SPOCK1: variants seen among roughly 807,000 people sequenced by gnomAD.
The protein encoded by SPOCK1 is testican-1.
SPOCK1 carries 23 observed loss-of-function variants against 55.3 expected under a neutral mutation model. That is an observed-to-expected ratio of 0.42 (90% confidence interval 0.30 to 0.59). The LOEUF is 0.59. Among genes scored for constraint, SPOCK1 ranks in the 20% least tolerant of loss-of-function variants. The pLI, the probability that SPOCK1 is intolerant of heterozygous loss-of-function variation, is 0.22. For missense variants in SPOCK1, 499 were observed against 552.5 expected, an observed-to-expected ratio of 0.90 and a Z score of 0.97; for synonymous variants, 226 against 221.0, an observed-to-expected ratio of 1.02 and a Z score of -0.20.
At chr5:137,303,070 A>C (rs1580855924) in intron 2 of SPOCK1, among the ~76,000 whole-genome samples, 1 of 152,292 alleles carries the variant, frequency 6.6e-6, no homozygotes, top group Middle Eastern at 3.4e-3. Flanking sequence ...TGAGGAGTGC[A>C]AACTGAATTG....
chr5:136,980,988 T>G (rs974718365), intron 9 of SPOCK1, among the ~76,000 whole-genome samples: 2 of 152,166 alleles, frequency 1.3e-5, no homozygotes, highest in East Asian at 1.9e-4. Flanking sequence ...ATTTGGTAAC[T>G]GATAGTATCC....
chr5:137,061,613 G>A (rs556485517), intron 6 of SPOCK1, among the ~76,000 whole-genome samples: 1 of 152,158 alleles, frequency 6.6e-6, no homozygotes. Flanking sequence ...CAGGAAGTGG[G>A]TAACAGTTCC....
intron 4 of SPOCK1, among the ~76,000 whole-genome samples, chr5:137,131,828 C>T (rs1464464605): frequency 6.7e-6 from 1 of 149,006 alleles, no homozygotes; most frequent in Non-Finnish European, 1.5e-5. Context: ...AAAAATTAGC[C>T]GGGTGTAGGG....
intron 3 of SPOCK1, among the ~76,000 whole-genome samples, chr5:137,246,686 G>T (rs1756401462): frequency 6.6e-6 from 1 of 152,184 alleles, no homozygotes. Context: ...CTTGGAATCT[G>T]CCATGAATGA....
chr5:137,149,661 G>C (rs1754273937), intron 3 of SPOCK1, among the ~76,000 whole-genome samples: 1 of 152,194 alleles, frequency 6.6e-6, no homozygotes, highest in South Asian at 2.1e-4. Context: ...CCAGGCCAAA[G>C]ACATCCAGAG....
At chr5:137,244,578 G>T (rs1756358500) in intron 3 of SPOCK1, among the ~76,000 whole-genome samples, 1 of 152,194 alleles carries the variant, frequency 6.6e-6, no homozygotes, top group East Asian at 1.9e-4. Flanking sequence ...TGAATTTGAA[G>T]TCAGGAGAAT....
rs953517717 is a variant in SPOCK1, at chr5:136,975,629, CAAG to C, written c.*3022_*3024del. The C allele has an allele frequency of 6.6e-6, 1 of 152,012 alleles. No individual in the cohort carries two copies. Among genetic ancestry groups the C allele is most frequent in the Non-Finnish European group, 1.5e-5 (1 of 68,026 alleles). The allele number at this position is 152,012 out of a possible 1,614,324, so 9.4% of individuals were successfully genotyped here. A position where few individuals can be genotyped will look rare whatever the true frequency, so the allele number is the denominator to read the frequency against. On this transcript the variant is annotated 3_prime_UTR_variant, in exon 11 of 11. Transcript: ENST00000394945. ...TTACTGTACAGCGTGGTCAAGGTAACAAGAAGAAAAAAATGTGAGTGGCATCCT... is the reference window on the plus strand; with the variant it reads ...TTACTGTACAGCGTGGTCAAGGTAACAAGAAAAAAATGTGAGTGGCATCCT...
rs533579439 is a variant in SPOCK1 at position 137,290,072 on chromosome 5, C to T, written c.187-23017G>A. Among the ~76,000 whole-genome samples, 14 of 152,282 alleles carry T rather than the reference C, an allele frequency of 9.2e-5. No homozygotes were observed. The South Asian group carries it at 2.1e-3, about 23-fold the overall frequency. On this transcript the variant is annotated intron_variant, in intron 2 of 10. Transcript: ENST00000394945. Reference sequence around the variant, plus strand: ...AGGAACTGAAGATAAGCACATGAACCTCACAGCCCAGCAACTCCAACCCTA... The same window carrying T: ...AGGAACTGAAGATAAGCACATGAACTTCACAGCCCAGCAACTCCAACCCTA...
chr5:137,435,719 C>A (rs1752851034), intron 2 of SPOCK1, among the ~76,000 whole-genome samples: 2 of 152,052 alleles, frequency 1.3e-5, no homozygotes, highest in African/African-American at 2.4e-5. Context: ...ACTGCCTTCA[C>A]CAATTTTCCC....
intron 2 of SPOCK1, among the ~76,000 whole-genome samples, chr5:137,456,939 T>A (rs1282741973): frequency 6.6e-6 from 1 of 152,238 alleles, no homozygotes; most frequent in Non-Finnish European, 1.5e-5. Context: ...GTGGGTATAT[T>A]AACCTTTGTT....
intron 3 of SPOCK1, among the ~76,000 whole-genome samples, chr5:137,186,404 C>T (rs149797471): frequency 6.6e-6 from 1 of 152,308 alleles, no homozygotes; most frequent in Admixed American, 6.5e-5. Context: ...ACTGCTCCTG[C>T]TCAGCCATCT....
chr5:137,248,268 C>T (rs982314461), intron 3 of SPOCK1, among the ~76,000 whole-genome samples: 3 of 152,140 alleles, frequency 2.0e-5, no homozygotes, highest in African/African-American at 7.2e-5. Context: ...CTACTTAGCC[C>T]CTGATATTAT....
At chr5:137,085,437 A>G (rs1752945294) in intron 5 of SPOCK1, among the ~76,000 whole-genome samples, 1 of 152,230 alleles carries the variant, frequency 6.6e-6, no homozygotes, top group Non-Finnish European at 1.5e-5. Flanking sequence ...CCATCTGCAC[A>G]GAGAGCTTCT....
At chr5:137,435,191 T>A (rs1296802445) in intron 2 of SPOCK1, among the ~76,000 whole-genome samples, 1 of 152,254 alleles carries the variant, frequency 6.6e-6, no homozygotes, top group Non-Finnish European at 1.5e-5. Context: ...TTGTTCCCAA[T>A]TTTTAAACTT....
chr5:137,120,520 T>C (rs2127037606), intron 4 of SPOCK1, among the ~76,000 whole-genome samples: 1 of 152,328 alleles, frequency 6.6e-6, no homozygotes. Context: ...GGAGAATCTA[T>C]TCTTCATAGA....
intron 2 of SPOCK1, among the ~76,000 whole-genome samples, chr5:137,360,188 T>A (rs1036598744): frequency 1.3e-5 from 2 of 152,198 alleles, no homozygotes; most frequent in Non-Finnish European, 2.9e-5. Context: ...TCATTCCTCA[T>A]GGGAAACACA....
chr5:137,472,861 C>T (rs891283438), intron 2 of SPOCK1, among the ~76,000 whole-genome samples: 8 of 152,140 alleles, frequency 5.3e-5, no homozygotes, highest in African/African-American at 1.9e-4. Context: ...AAAGATGCTC[C>T]ACTTCACTCA....
chr5:137,235,847 T>A (rs1756170092), intron 3 of SPOCK1, among the ~76,000 whole-genome samples: 1 of 152,250 alleles, frequency 6.6e-6, no homozygotes, highest in African/African-American at 2.4e-5. Flanking sequence ...CGGCTTCTGA[T>A]CATCCGTACA....
intron 6 of SPOCK1, among the ~76,000 whole-genome samples, chr5:137,035,199 T>G (rs1751859577): frequency 6.6e-6 from 1 of 152,128 alleles, no homozygotes. Flanking sequence ...TCCCTCTGCC[T>G]GAAGGAGGAG....
Sources: gnomAD v4.1 joint callset for allele counts (sites outside exome capture counted in the v4.1 genomes callset) on GRCh38, gnomAD v4.1.1 for gene constraint, MANE v1.5 for transcripts, NCBI Gene and HGNC (gene_info 2026-07-23, HGNC 2026-07-21) for gene names.